PARP10: variants seen among roughly 807,000 people sequenced by gnomAD.
PARP10 encodes poly(ADP-ribose) polymerase family member 10.
In PARP10, 56 loss-of-function variants were observed where a neutral mutation model predicts 82.4. The ratio of observed to expected loss-of-function variants is 0.68; its 90% CI spans 0.55 to 0.85. The LOEUF is 0.85. PARP10 is among the 40% of genes least tolerant of loss of function. The pLI is 0.00. For missense variants in PARP10, 1,227 were observed against 1,379.4 expected, an observed-to-expected ratio of 0.89 and a Z score of 1.75; for synonymous variants, 576 against 601.1, an observed-to-expected ratio of 0.96 and a Z score of 0.61.
intron 1 of PARP10, among the ~76,000 whole-genome samples, chr8:144,004,516 A>C (rs1554751933): frequency 6.6e-6 from 1 of 152,158 alleles, no homozygotes; most frequent in African/African-American, 2.4e-5. Flanking sequence ...ACCTCCCGGT[A>C]CCTCACACTG....
At position 144,008,939 on chromosome 8, in the gene PARP10, A is replaced by G. The variant is rs528961267; in HGVS notation, c.-80+3591T>C. On this transcript the variant is annotated intron_variant, in intron 1 of 3. Coordinates refer to the PARP10 transcript ENST00000530478. This position sits in a 1 kb window ranked among gnomAD's most constrained non-coding sequence, Gnocchi z 4.0. ...GGAAGCCTGGCGGAGGCTAATTCAA[A>G]GAAAGGAGCAGGAGGCTGCAGCTTA... 6.6e-6 allele frequency among the ~76,000 whole-genome samples: 1 copy of G among 152,358 alleles called. No homozygotes were observed. The highest frequency in any genetic ancestry group is 2.1e-4 in the South Asian group (1 of 4,828).
intron 1 of PARP10, among the ~76,000 whole-genome samples, chr8:144,005,985 G>T (rs1834234162): frequency 6.6e-6 from 1 of 152,222 alleles, no homozygotes; most frequent in African/African-American, 2.4e-5. Flanking sequence ...CCCCGCACTG[G>T]TAAGAGATGG....
chr8:143,983,487 C>G lies in PARP10; in HGVS notation c.2102G>C (p.Gly701Ala). ...PPLEAEEPPDGGTDGKAQLVV... is the reference protein window; with the variant it reads ...PPLEAEEPPDAGTDGKAQLVV... ...CAGCTGGGCCTTGCCATCAGTCCCC[C>G]CATCTGGGGGCTCTTCTGCCTCCAA... Residue 701 changes from glycine (G) to alanine (A), a missense_variant, in exon 8 of 11, where the codon GGG (glycine) becomes GCG (alanine). Gly to Ala is a moderately conservative substitution (Grantham distance 60). Transcript: ENST00000313028. 1 of 1,606,952 alleles carries G rather than the reference C, an allele frequency of 6.2e-7. No individual in the cohort carries two copies. The highest frequency in any genetic ancestry group is 1.3e-5 in the African/African-American group (1 of 74,920).
exon 1 of PARP10, chr8:144,012,737 T>C: frequency 6.4e-7 from 1 of 1,551,548 alleles, no homozygotes; most frequent in Non-Finnish European, 8.7e-7. Context: ...GTAAGAGGCC[T>C]CGCTCCCAAG....
chr8:143,986,574 G>T (rs1363179391), upstream of PARP10: 4 of 730,096 alleles, frequency 5.5e-6, no homozygotes, highest in East Asian at 1.1e-4. Context: ...AGCTGACCAG[G>T]AGGTATTGGC....
At chr8:143,996,003 T>G (rs1554751259), upstream of PARP10, among the ~76,000 whole-genome samples, 1 of 152,156 alleles carries the variant, frequency 6.6e-6, no homozygotes, top group African/African-American at 2.4e-5. Context: ...GACGCCTGCT[T>G]CCTGACAGCA....
chr8:143,981,271 T>C (rs1201180297), intron 9 of PARP10, among the ~76,000 whole-genome samples: 1 of 151,946 alleles, frequency 6.6e-6, no homozygotes, highest in African/African-American at 2.4e-5. Context: ...GTGATGCTAA[T>C]GGTGGTGATG....
chr8:143,994,970 C>T (rs1296834188), upstream of PARP10, among the ~76,000 whole-genome samples: 9 of 151,926 alleles, frequency 5.9e-5, no homozygotes, highest in South Asian at 2.1e-4. Context: ...GGGGTGGTCT[C>T]GGGAGTAACT....
At chr8:143,988,511 G>T (rs1331929543), upstream of PARP10, among the ~76,000 whole-genome samples, 4 of 150,430 alleles carry the variant, frequency 2.7e-5, no homozygotes, top group African/African-American at 4.9e-5. Context: ...TGTTACGCAG[G>T]CTGGAGTGCG....
At chr8:143,980,319 CAAAAA>C (rs564801582) in intron 9 of PARP10, among the ~76,000 whole-genome samples, 6 of 16,074 alleles carry the variant, frequency 3.7e-4, no homozygotes, top group Non-Finnish European at 5.6e-4. Context: ...GATTCCGTCT[CAAAAA>C]AAAAAAAAAA....
chr8:143,978,819 C>T (rs1427657640), intron 9 of PARP10, among the ~76,000 whole-genome samples: 1 of 152,122 alleles, frequency 6.6e-6, no homozygotes, highest in Admixed American at 6.5e-5. Flanking sequence ...AGCTCCAGCA[C>T]ACACAGGGAA....
chr8:144,010,455 C>T (rs1278524155), intron 1 of PARP10, among the ~76,000 whole-genome samples: 1 of 152,188 alleles, frequency 6.6e-6, no homozygotes, highest in Non-Finnish European at 1.5e-5. Flanking sequence ...AGGGCTTGGT[C>T]ACATAATTGT....
At chr8:143,991,288 C>A (rs568380194), upstream of PARP10, 5 of 1,487,624 alleles carry the variant, frequency 3.4e-6, no homozygotes, top group African/African-American at 4.3e-5. Context: ...CCTGGATATC[C>A]GGGGGGGCCC....
upstream of PARP10, among the ~76,000 whole-genome samples, chr8:143,987,775 C>T: frequency 6.6e-6 from 1 of 152,152 alleles, no homozygotes; most frequent in Non-Finnish European, 1.5e-5. Context: ...CCTATAATCT[C>T]AGCTACTCAG....
intron 1 of PARP10, among the ~76,000 whole-genome samples, chr8:144,000,801 T>C (rs1834196130): frequency 6.6e-6 from 1 of 152,126 alleles, no homozygotes. Context: ...TCCCAGATGA[T>C]TGTAATACCA....
intron 1 of PARP10, among the ~76,000 whole-genome samples, chr8:144,007,432 A>T (rs1386538133): frequency 6.6e-6 from 1 of 152,214 alleles, no homozygotes; most frequent in African/African-American, 2.4e-5. Context: ...GCCAGTTATT[A>T]TCTTGTCTGT....
chr8:143,995,241 A>G (rs1255538723), upstream of PARP10, among the ~76,000 whole-genome samples: 1 of 152,176 alleles, frequency 6.6e-6, no homozygotes, highest in African/African-American at 2.4e-5. Flanking sequence ...TGTGTTTAGG[A>G]AGATGAGTCT....
At chr8:143,992,588 G>A (rs1834119028), upstream of PARP10, 1 of 1,614,032 alleles carries the variant, frequency 6.2e-7, no homozygotes. Context: ...CGCCTCACTG[G>A]GCGCTCTGCT....
In PARP10 at chr8:143,984,544, C is replaced by T; in HGVS notation, c.1458G>A (p.Arg486=). Residue 486 remains arginine, a splice_region_variant and synonymous_variant, in exon 5 of 11, where the codon CGG becomes CGA. Transcript: ENST00000313028. ...TGAGGAGTCCTGAGGGGTCACTCACCCGAAAGCCAGTCATATCCGGTCCTT... is the reference window on the plus strand; with the variant it reads ...TGAGGAGTCCTGAGGGGTCACTCACTCGAAAGCCAGTCATATCCGGTCCTT... ...PLEGPDMTGF[R]LCGAQASCQA... 1 of 1,606,756 alleles carries T rather than the reference C, an allele frequency of 6.2e-7. No individual in the cohort carries two copies. Among genetic ancestry groups the T allele is most frequent in the Non-Finnish European group, 8.5e-7 (1 of 1,176,504 alleles).
Sources: gnomAD v4.1 joint callset for allele counts (sites outside exome capture counted in the v4.1 genomes callset) on GRCh38, gnomAD v4.1.1 for gene constraint, Gnocchi (gnomAD v3.1) non-coding constraint, MANE v1.5 for transcripts, NCBI Gene and HGNC (gene_info 2026-07-23, HGNC 2026-07-21) for gene names.